The following SERINC2 variants were observed in gnomAD, a reference collection of about 807,000 sequenced individuals.
SERINC2 encodes the protein tumor differentially expressed protein 2.
In SERINC2, 56 loss-of-function variants were observed where a neutral mutation model predicts 54.2. That is an observed-to-expected ratio of 1.03 (90% CI 0.83 to 1.29). SERINC2 has a LOEUF of 1.29. Among genes scored for constraint, SERINC2 ranks in the 50% most tolerant of loss-of-function variants. The pLI, the probability that SERINC2 is intolerant of heterozygous loss-of-function variation, is 0.00. For missense variants in SERINC2, 614 were observed against 607.4 expected, an observed-to-expected ratio of 1.01 and a Z score of -0.12; for synonymous variants, 272 against 253.1, an observed-to-expected ratio of 1.07 and a Z score of -0.71.
chr1:31,431,862 G>A (rs1553134559), intron 8 of SERINC2, among the ~76,000 whole-genome samples: 1 of 149,496 alleles, frequency 6.7e-6, no homozygotes, highest in African/African-American at 2.5e-5. Flanking sequence ...GGGTGGATAG[G>A]GTGGATAGGG....
chr1:31,426,345 C>G (rs1238991497), intron 5 of SERINC2, among the ~76,000 whole-genome samples: 3 of 152,178 alleles, frequency 2.0e-5, no homozygotes, highest in African/African-American at 7.2e-5. Context: ...CCTAGACTTG[C>G]CAGTATCTCT....
chr1:31,427,812 T>TTTTC (rs1553133847), intron 6 of SERINC2, among the ~76,000 whole-genome samples: 6 of 143,806 alleles, frequency 4.2e-5, no homozygotes, highest in Non-Finnish European at 4.5e-5. Flanking sequence ...TGGTTTTCTT[T>TTTTC]TTTCTTTCTT....
chr1:31,425,826 C>T lies in SERINC2; in HGVS notation c.523C>T (p.Leu175=). The T allele has an allele frequency of 6.2e-7, 1 of 1,613,726 alleles. No homozygotes were observed. Among genetic ancestry groups the T allele is most frequent in the Non-Finnish European group, 8.5e-7 (1 of 1,179,940 alleles). Residue 175 remains leucine, a synonymous_variant, in exon 5 of 10, where the codon CTG becomes TTG. Transcript: ENST00000373709. ...CTCCTTCCTCTTCATCCTCATCCAG[C>T]TGGTGCTGCTCATCGACTTTGCGCA... ...VGSFLFILIQ[L]VLLIDFAHSW...
upstream of SERINC2, among the ~76,000 whole-genome samples, chr1:31,412,926 G>T (rs1437957816): frequency 6.6e-6 from 1 of 152,212 alleles, no homozygotes; most frequent in Non-Finnish European, 1.5e-5. Flanking sequence ...GTTCCCAAGG[G>T]TGACAGTGTC....
At chr1:31,432,505 C>A (rs543803175) in intron 8 of SERINC2, among the ~76,000 whole-genome samples, 1 of 151,968 alleles carries the variant, frequency 6.6e-6, no homozygotes, top group African/African-American at 2.4e-5. Context: ...AACTTAAAAT[C>A]AATGGCAAAT....
chr1:31,424,653 G>A (rs1553133230), intron 2 of SERINC2, 30 bp from the exon 3 acceptor site: 1 of 1,541,372 alleles, frequency 6.5e-7, no homozygotes, highest in South Asian at 1.2e-5. Context: ...GAGAGGTGGG[G>A]CTTTGACGCT....
At position 31,432,946 on chromosome 1, in the gene SERINC2, A is replaced by G. The variant is rs1553134972; in HGVS notation, c.1014-21A>G. Reference sequence around the variant, plus strand: ...CAACGCCAGAGCTATCTATTTGCCCACCTTCCTCCCTCCCCTGCAGTCTGC... The same window carrying G: ...CAACGCCAGAGCTATCTATTTGCCCGCCTTCCTCCCTCCCCTGCAGTCTGC... On this transcript the variant is annotated intron_variant, in intron 8 of 9. Transcript: ENST00000373709. The G allele has an allele frequency of 1.9e-6, 3 of 1,584,674 alleles. No individual in the cohort carries two copies. The Admixed American group carries it at 5.3e-5, about 28-fold the overall frequency.
intron 1 of SERINC2, chr1:31,414,648 G>A (rs1640741101): frequency 1.0e-6 from 1 of 985,578 alleles, no homozygotes; most frequent in South Asian, 4.7e-5. Context: ...GAGGAATCAA[G>A]CTGGTGCCTG....
Position 31,434,338 on chromosome 1 carries a change from A to G in SERINC2, c.*139A>G. The G allele has an allele frequency of 2.3e-6, 2 of 867,242 alleles. No homozygotes were observed. Among genetic ancestry groups the G allele is most frequent in the Non-Finnish European group, 3.6e-6 (2 of 563,004 alleles). 53.7% of individuals were successfully genotyped at this position (867,242 alleles called of 1,614,324 possible). A position where few individuals can be genotyped will look rare whatever the true frequency, so the allele number is the denominator to read the frequency against. On this transcript the variant is annotated 3_prime_UTR_variant, in exon 10 of 10. Transcript: ENST00000373709. ...GCCCCAGCTCCAGGACCTGCCCCTG[A>G]GCCGGGCCTTCTAGTCGTAGTGCCT...
intron 1 of SERINC2, among the ~76,000 whole-genome samples, chr1:31,415,188 G>A (rs557497290): frequency 5.3e-5 from 8 of 152,294 alleles, no homozygotes; most frequent in African/African-American, 1.9e-4. Flanking sequence ...CTGATTCCTG[G>A]TCCAGGCTTC....
chr1:31,422,599 G>T (rs935761960), intron 1 of SERINC2, among the ~76,000 whole-genome samples: 1 of 152,210 alleles, frequency 6.6e-6, no homozygotes, highest in South Asian at 2.1e-4. Context: ...TGTGAGTCAT[G>T]ATTTGTTTAG....
At position 31,423,698 on chromosome 1, in the gene SERINC2, C is replaced by T; in HGVS notation, c.45C>T (p.Ser15=). 1 of 1,608,318 alleles carries T rather than the reference C, an allele frequency of 6.2e-7. No homozygotes were observed. The highest frequency in any genetic ancestry group is 1.1e-5 in the South Asian group (1 of 91,054). The stretch of plus-strand genomic sequence containing the variant: ...GTGACAGTGCCCTCCCGCAGGCGTC[C>T]TGCCTCTGCGGCTCTGCCCCCTGCA... ...LGACSLLSCA[S]CLCGSAPCIL... The change falls in exon 2 of 10, where the codon TCC becomes TCT. Residue 15 remains serine, a synonymous_variant. Transcript: ENST00000373709.
chr1:31,432,232 G>GTGGTTAGGGTGGAT (rs1557501873), intron 8 of SERINC2, among the ~76,000 whole-genome samples: 1 of 151,478 alleles, frequency 6.6e-6, no homozygotes, highest in African/African-American at 2.4e-5. Context: ...GGTGGATAGG[G>GTGGTTAGGGTGGAT]ACCCACTGAC....
At chr1:31,431,236 C>T (rs1641188469) in intron 8 of SERINC2, among the ~76,000 whole-genome samples, 1 of 151,962 alleles carries the variant, frequency 6.6e-6, no homozygotes, top group East Asian at 1.9e-4. Context: ...GTGATCCTCC[C>T]ACCTCAGCCT....
At chr1:31,425,732 TGA>T in intron 4 of SERINC2, 42 bp from the exon 5 acceptor site, 1 of 1,600,588 alleles carries the variant, frequency 6.2e-7, no homozygotes, top group Non-Finnish European at 8.5e-7. Context: ...CGAGTAGATG[TGA>T]GAGAGGGACC....
At chr1:31,426,971 G>A in intron 6 of SERINC2, 148 bp downstream of exon 6, 1 of 696,330 alleles carries the variant, frequency 1.4e-6, no homozygotes, top group South Asian at 2.0e-5. Context: ...CCAGGTTATA[G>A]TCAGGCTCTC....
intron 7 of SERINC2, 149 bp downstream of exon 7, chr1:31,429,217 C>A: frequency 1.0e-6 from 1 of 1,000,684 alleles, no homozygotes; most frequent in Non-Finnish European, 1.5e-6. Flanking sequence ...GGGAGGGCCC[C>A]GTCTGTTCCT....
At chr1:31,415,549 T>G (rs984193097) in intron 1 of SERINC2, among the ~76,000 whole-genome samples, 4 of 152,200 alleles carry the variant, frequency 2.6e-5, no homozygotes, top group Non-Finnish European at 5.9e-5. Context: ...AGTATGTGTA[T>G]GTGTGTGTAT....
intron 1 of SERINC2, chr1:31,414,331 C>T (rs891171016): frequency 1.5e-6 from 2 of 1,311,354 alleles, no homozygotes; most frequent in African/African-American, 1.5e-5. Context: ...CCCCCTCCCC[C>T]TCTGGCCCCA....
Sources: gnomAD v4.1 joint callset for allele counts (sites outside exome capture counted in the v4.1 genomes callset) on GRCh38, gnomAD v4.1.1 for gene constraint, MANE v1.5 for transcripts, NCBI Gene and HGNC (gene_info 2026-07-23, HGNC 2026-07-21) for gene names.